Variants in HDAC4 observed in about 807,000 individuals in gnomAD.
HDAC4 encodes the protein histone deacetylase A.
Under a neutral mutation model 135.1 loss-of-function variants are expected in HDAC4, and 16 were observed. That is an observed-to-expected ratio of 0.12 (90% CI 0.08 to 0.18). The LOEUF is 0.18. HDAC4 is among the 10% of genes least tolerant of loss of function. The pLI, the probability that HDAC4 is intolerant of heterozygous loss-of-function variation, is 1.00. For synonymous variants in HDAC4, 685 were observed against 653.4 expected, an observed-to-expected ratio of 1.05 and a Z score of -0.74; for missense variants, 1,143 against 1,511.8, an observed-to-expected ratio of 0.76 and a Z score of 4.05.
chr2:239,111,375 C>A, intron 14 of HDAC4, 151 bp downstream of exon 14: 1 of 740,180 alleles, frequency 1.4e-6, no homozygotes, highest in Non-Finnish European at 2.3e-6. Context: ...GCCTCTGTGA[C>A]AGACCTGTGT....
chr2:239,072,904 G>T (rs1431436821), intron 22 of HDAC4, among the ~76,000 whole-genome samples: 1 of 152,212 alleles, frequency 6.6e-6, no homozygotes, highest in African/African-American at 2.4e-5. Context: ...TGAAGATCCC[G>T]CGGGCTACTC....
rs189223779 is a variant in HDAC4, at chr2:239,240,632, T to C, written c.23-3968A>G. On this transcript the variant is annotated intron_variant, in intron 2 of 26. Coordinates refer to ENST00000543185, the MANE Select transcript of HDAC4 (RefSeq NM_001378414.1). This position sits in a 1 kb window ranked among gnomAD's most constrained non-coding sequence, Gnocchi z 4.5. Reference sequence around the variant, plus strand: ...CCCTGCTGGACAGGGACGATCGTACTGAGTGTCCTCAAACAGCATTTAATC... The same window carrying C: ...CCCTGCTGGACAGGGACGATCGTACCGAGTGTCCTCAAACAGCATTTAATC... 5.6e-4 allele frequency among the ~76,000 whole-genome samples: 86 copies of C among 152,328 alleles called. 1 individual carries two copies. The East Asian group carries it at 0.015, about 26-fold the overall frequency.
At chr2:239,311,633 C>G (rs1325392064) in intron 2 of HDAC4, among the ~76,000 whole-genome samples, 4 of 152,174 alleles carry the variant, frequency 2.6e-5, no homozygotes, top group Non-Finnish European at 4.4e-5. Context: ...CAGGAAAGGA[C>G]AGCTCAGCCC....
intron 17 of HDAC4, 135 bp from the exon 18 acceptor site, chr2:239,090,251 C>T (rs1469264135): frequency 1.3e-5 from 9 of 707,698 alleles, no homozygotes; most frequent in African/African-American, 1.2e-4. Context: ...AGGGCAGCTG[C>T]AGCCCACGTT....
intron 3 of HDAC4, among the ~76,000 whole-genome samples, chr2:239,191,622 C>T (rs767689590): frequency 6.6e-6 from 1 of 152,222 alleles, no homozygotes; most frequent in Non-Finnish European, 1.5e-5. Context: ...GTTCTGATCC[C>T]TGGGTTGCCG....
At chr2:239,138,461 C>T (rs542299735) in intron 9 of HDAC4, among the ~76,000 whole-genome samples, 1 of 152,348 alleles carries the variant, frequency 6.6e-6, no homozygotes, top group Non-Finnish European at 1.5e-5. Context: ...GAAGGAAAGT[C>T]AATAACTATA....
chr2:239,163,048 G>T (rs3828218), intron 6 of HDAC4, among the ~76,000 whole-genome samples: 1,630 of 151,746 alleles, frequency 0.011, 71 homozygotes, highest in East Asian at 0.1. Context: ...GTTTCAAGCC[G>T]CATCACCTCG....
chr2:239,321,196 T>C (rs1300364160), intron 2 of HDAC4, among the ~76,000 whole-genome samples: 1 of 152,194 alleles, frequency 6.6e-6, no homozygotes, highest in African/African-American at 2.4e-5. Context: ...CCAGGCGCAG[T>C]GGCTCACGCC....
chr2:239,193,772 T>C (rs1044299593), intron 3 of HDAC4, among the ~76,000 whole-genome samples: 1 of 152,270 alleles, frequency 6.6e-6, no homozygotes, highest in African/African-American at 2.4e-5. Flanking sequence ...CACCCAAGGT[T>C]GGCTGGCCGA....
intron 2 of HDAC4, among the ~76,000 whole-genome samples, chr2:239,291,528 TC>T (rs1455122042): frequency 2.0e-5 from 3 of 152,296 alleles, no homozygotes; most frequent in Non-Finnish European, 4.4e-5. Context: ...GGCCGCTAGG[TC>T]GCCCCTCTGG....
At chr2:239,191,257 G>C (rs948979135) in intron 3 of HDAC4, among the ~76,000 whole-genome samples, 3 of 152,174 alleles carry the variant, frequency 2.0e-5, no homozygotes, top group African/African-American at 7.2e-5. Context: ...CGCCCCTCAG[G>C]GTCAGCACCT....
intron 22 of HDAC4, among the ~76,000 whole-genome samples, chr2:239,072,195 G>A (rs936453205): frequency 1.3e-5 from 2 of 152,180 alleles, no homozygotes; most frequent in Non-Finnish European, 2.9e-5. Context: ...TCAAACTGAC[G>A]TTTTATCCTT....
At chr2:239,282,041 C>A (rs1294508146) in intron 2 of HDAC4, among the ~76,000 whole-genome samples, 2 of 150,400 alleles carry the variant, frequency 1.3e-5, no homozygotes, top group East Asian at 2.0e-4. Flanking sequence ...CATGTACATG[C>A]CACTCTACAA....
At chr2:239,133,122 G>C (rs10187175) in intron 11 of HDAC4, among the ~76,000 whole-genome samples, 17,163 of 152,170 alleles carry the variant, frequency 0.11, 3,185 homozygotes, top group African/African-American at 0.39. Context: ...CAAAGATTGC[G>C]CCATTTGGCT....
intron 2 of HDAC4, among the ~76,000 whole-genome samples, chr2:239,319,970 G>A (rs551279220): frequency 6.8e-4 from 104 of 152,248 alleles, no homozygotes; most frequent in African/African-American, 2.4e-3. Flanking sequence ...CAGAGCACAC[G>A]GTCACTGCTA....
intron 3 of HDAC4, among the ~76,000 whole-genome samples, chr2:239,210,756 G>A (rs2046319564): frequency 6.6e-6 from 1 of 152,212 alleles, no homozygotes; most frequent in African/African-American, 2.4e-5. Context: ...TGGTGACAGA[G>A]GACACTCAAC....
chr2:239,070,031 C>T (rs974351761), intron 22 of HDAC4, among the ~76,000 whole-genome samples: 2 of 149,352 alleles, frequency 1.3e-5, no homozygotes, highest in African/African-American at 4.9e-5. Flanking sequence ...TGCCCATCCT[C>T]TCTTCTGAGA....
At chr2:239,211,182 T>C (rs2046339826) in intron 3 of HDAC4, among the ~76,000 whole-genome samples, 1 of 152,266 alleles carries the variant, frequency 6.6e-6, no homozygotes. Context: ...CCATTTTAAA[T>C]GGATCTATTC....
chr2:239,136,456 G>C, intron 9 of HDAC4, among the ~76,000 whole-genome samples: 1 of 152,178 alleles, frequency 6.6e-6, no homozygotes, highest in Non-Finnish European at 1.5e-5. Flanking sequence ...GGACACTGAG[G>C]TTGATTCGAC....
Sources: gnomAD v4.1 joint callset for allele counts (sites outside exome capture counted in the v4.1 genomes callset) on GRCh38, gnomAD v4.1.1 for gene constraint, Gnocchi (gnomAD v3.1) non-coding constraint, MANE v1.5 for transcripts, NCBI Gene and HGNC (gene_info 2026-07-23, HGNC 2026-07-21) for gene names.